Variants in THSD7B observed in about 807,000 individuals in gnomAD.
THSD7B encodes thrombospondin type 1 domain containing 7B, also known as thrombospondin type-1 domain-containing protein 7B.
In THSD7B, 138 loss-of-function variants were observed where a neutral mutation model predicts 213.6. That is an observed-to-expected ratio of 0.65 (90% CI 0.56 to 0.74). The LOEUF is 0.74. Among genes scored for constraint, THSD7B ranks in the 30% least tolerant of loss-of-function variants. The pLI, the probability that THSD7B is intolerant of heterozygous loss-of-function variation, is 0.00. For missense variants in THSD7B, 1,931 were observed against 1,991.5 expected (o/e 0.97, Z 0.58); for synonymous variants, 742 against 687.0 (o/e 1.08, Z -1.25).
At chr2:137,599,682 C>T (rs983180994) in intron 17 of THSD7B, among the ~76,000 whole-genome samples, 3 of 152,078 alleles carry the variant, frequency 2.0e-5, no homozygotes, top group Non-Finnish European at 4.4e-5. Context: ...AAGACACATG[C>T]ACACGTATGT....
chr2:137,358,573 G>T (rs1685185351), intron 12 of THSD7B, among the ~76,000 whole-genome samples: 1 of 152,194 alleles, frequency 6.6e-6, no homozygotes, highest in Non-Finnish European at 1.5e-5. Flanking sequence ...TAGCATCAAA[G>T]AAAGTGAAGG....
intron 1 of THSD7B, among the ~76,000 whole-genome samples, chr2:136,800,969 T>C (rs1682167855): frequency 6.6e-6 from 1 of 151,994 alleles, no homozygotes; most frequent in Admixed American, 6.6e-5. Flanking sequence ...ACACCCAGAG[T>C]CACCTTATTC....
At chr2:137,035,894 T>C (rs570537956) in intron 2 of THSD7B, among the ~76,000 whole-genome samples, 2 of 152,298 alleles carry the variant, frequency 1.3e-5, no homozygotes, top group South Asian at 4.1e-4. Context: ...ATAAAATTAA[T>C]CCATAAATCA....
chr2:137,633,422 C>T (rs1682777448), intron 20 of THSD7B, among the ~76,000 whole-genome samples: 1 of 152,038 alleles, frequency 6.6e-6, no homozygotes, highest in Non-Finnish European at 1.5e-5. Context: ...CAAATACATA[C>T]AACAAATTTA....
At chr2:136,786,658 G>A (rs548228458) in intron 1 of THSD7B, among the ~76,000 whole-genome samples, 12 of 152,108 alleles carry the variant, frequency 7.9e-5, no homozygotes, top group East Asian at 1.9e-4. Flanking sequence ...GCACCATATC[G>A]GAATGCGCAT....
At chr2:137,359,859 C>T (rs1291400330) in intron 12 of THSD7B, among the ~76,000 whole-genome samples, 4 of 152,182 alleles carry the variant, frequency 2.6e-5, no homozygotes, top group Admixed American at 2.0e-4. Context: ...CCCACATTCA[C>T]AAACACATAC....
chr2:137,511,510 G>A (rs1048427173), intron 15 of THSD7B, among the ~76,000 whole-genome samples: 4 of 152,202 alleles, frequency 2.6e-5, no homozygotes, highest in Non-Finnish European at 4.4e-5. Flanking sequence ...CTGGACGTAA[G>A]TGGAAAATCT....
chr2:136,768,104 T>C (rs1681440988), intron 1 of THSD7B, among the ~76,000 whole-genome samples: 1 of 152,172 alleles, frequency 6.6e-6, no homozygotes, highest in African/African-American at 2.4e-5. Flanking sequence ...AGTGTGCCTT[T>C]TGAGAGAAAG....
chr2:136,823,601 T>C (rs901341181), intron 1 of THSD7B, among the ~76,000 whole-genome samples: 1 of 152,196 alleles, frequency 6.6e-6, no homozygotes, highest in Admixed American at 6.6e-5. Flanking sequence ...ACTTTTACTT[T>C]TCATGACATT....
intron 12 of THSD7B, among the ~76,000 whole-genome samples, chr2:137,319,301 C>A (rs1684209833): frequency 6.7e-6 from 1 of 148,710 alleles, no homozygotes; most frequent in African/African-American, 2.5e-5. Context: ...TAGAAATGTT[C>A]TGTTCTGTTT....
chr2:137,259,527 G>A (rs111833689), intron 10 of THSD7B, among the ~76,000 whole-genome samples: 1,525 of 152,098 alleles, frequency 0.01, 39 homozygotes, highest in African/African-American at 0.035. Context: ...ACTTTTTGAC[G>A]GGGTTGTTTT....
intron 1 of THSD7B, among the ~76,000 whole-genome samples, 155 bp from the exon 2 acceptor site, chr2:136,881,989 T>C (rs1683632191): frequency 6.6e-6 from 1 of 152,214 alleles, no homozygotes; most frequent in African/African-American, 2.4e-5. Context: ...GATTTGCTTT[T>C]TGTAGCTTTT....
intron 5 of THSD7B, among the ~76,000 whole-genome samples, chr2:137,129,826 T>G (rs1266343294): frequency 6.6e-6 from 1 of 152,180 alleles, no homozygotes; most frequent in Non-Finnish European, 1.5e-5. Context: ...ATTTTGACCA[T>G]TTGCATTGTT....
intron 12 of THSD7B, among the ~76,000 whole-genome samples, chr2:137,350,976 T>C (rs1325440833): frequency 3.3e-5 from 5 of 151,830 alleles, no homozygotes; most frequent in African/African-American, 1.2e-4. Flanking sequence ...ATGTCAAGTT[T>C]GAAGAGCCTG....
chr2:137,533,880 A>T (rs1038528478), intron 15 of THSD7B, among the ~76,000 whole-genome samples: 2 of 151,818 alleles, frequency 1.3e-5, no homozygotes, highest in African/African-American at 4.8e-5. Context: ...CACAATAAAA[A>T]CTTTGACTAA....
intron 24 of THSD7B, among the ~76,000 whole-genome samples, 175 bp from the exon 25 acceptor site, chr2:137,659,489 A>T (rs917972472): frequency 1.3e-5 from 2 of 152,198 alleles, no homozygotes; most frequent in East Asian, 1.9e-4. Flanking sequence ...TCCCATCTCA[A>T]TTCATTTTAG....
At chr2:136,912,184 TGC>T (rs1684270005) in intron 2 of THSD7B, among the ~76,000 whole-genome samples, 1 of 151,690 alleles carries the variant, frequency 6.6e-6, no homozygotes, top group Non-Finnish European at 1.5e-5. Context: ...TAGCCGGGTG[TGC>T]TGGTGGGCGC....
intron 2 of THSD7B, among the ~76,000 whole-genome samples, chr2:137,031,476 G>A (rs1686665929): frequency 6.6e-6 from 1 of 152,330 alleles, no homozygotes; most frequent in South Asian, 2.1e-4. Context: ...CTCAGAGACA[G>A]TGTGACAGGG....
chr2:137,378,424 G>A (rs1218530292), intron 12 of THSD7B, among the ~76,000 whole-genome samples: 1 of 152,200 alleles, frequency 6.6e-6, no homozygotes, highest in Admixed American at 6.5e-5. Flanking sequence ...ACAGGAGGGA[G>A]TAGTTGAGGA....
Sources: gnomAD v4.1 joint callset for allele counts (sites outside exome capture counted in the v4.1 genomes callset) on GRCh38, gnomAD v4.1.1 for gene constraint, MANE v1.5 for transcripts, NCBI Gene and HGNC (gene_info 2026-07-23, HGNC 2026-07-21) for gene names.